The following FGF14 variants were observed in gnomAD, a reference collection of about 807,000 sequenced individuals.
FGF14 encodes the protein fibroblast growth factor homologous factor 4.
FGF14 carries 5 observed loss-of-function variants against 25.5 expected under a neutral mutation model. That is an observed-to-expected ratio of 0.20 (90% CI 0.10 to 0.41). The LOEUF (loss-of-function observed/expected upper bound fraction) is 0.41, where lower values mean the gene tolerates loss of function less well. FGF14 is among the 10% of genes least tolerant of loss of function. The pLI is 1.00. For missense variants in FGF14, 222 were observed against 320.1 expected, an observed-to-expected ratio of 0.69 and a Z score of 2.34; for synonymous variants, 138 against 118.3, an observed-to-expected ratio of 1.17 and a Z score of -1.08.
chr13:102,376,408 T>C (rs34134429), intron 1 of FGF14, among the ~76,000 whole-genome samples: 2,255 of 152,290 alleles, frequency 0.015, 31 homozygotes, highest in South Asian at 0.041. Flanking sequence ...ATGTCTTTAT[T>C]AGCAGTATAA....
Position 102,219,957 on chromosome 13 carries a change from A to AT in FGF14, c.208+181513dup, listed in dbSNP as rs2050535494. On this transcript the variant is annotated intron_variant, in intron 1 of 4. Transcript: ENST00000376131. The stretch of plus-strand genomic sequence containing the variant: ...TGTATAAGACTAAGTATAATACAAC[A>AT]TAAGTGTAAGTGATGTAATAGTAAG... Among the ~76,000 whole-genome samples the AT allele has an allele frequency of 2.6e-5, 4 of 152,202 alleles. No homozygotes were observed. The South Asian group carries it at 8.3e-4, about 31-fold the overall frequency.
intron 1 of FGF14, among the ~76,000 whole-genome samples, chr13:102,138,760 C>T (rs974115993): frequency 2.6e-5 from 4 of 152,162 alleles, no homozygotes; most frequent in Non-Finnish European, 5.9e-5. Context: ...TCATTTCTAG[C>T]AATAAATGTG....
At chr13:102,344,762 G>T (rs1208560661) in intron 1 of FGF14, among the ~76,000 whole-genome samples, 1 of 152,218 alleles carries the variant, frequency 6.6e-6, no homozygotes, top group Non-Finnish European at 1.5e-5. Context: ...TGGAGAAGAA[G>T]ACTTAGAGTT....
chr13:102,326,698 GGAAGGAA>G (rs1452262964), intron 1 of FGF14, among the ~76,000 whole-genome samples: 3 of 37,094 alleles, frequency 8.1e-5, no homozygotes, highest in Non-Finnish European at 1.7e-4. Context: ...GGGAAGGGAA[GGAAGGAA>G]GGAAGGAAGG....
chr13:102,024,973 T>C (rs1418690831), intron 1 of FGF14, among the ~76,000 whole-genome samples: 1 of 151,186 alleles, frequency 6.6e-6, no homozygotes, highest in East Asian at 1.9e-4. Context: ...AAAATGGAAT[T>C]TATATATATA....
intron 3 of FGF14, among the ~76,000 whole-genome samples, chr13:101,731,794 T>C (rs2035828588): frequency 6.6e-6 from 1 of 152,180 alleles, no homozygotes; most frequent in East Asian, 1.9e-4. Context: ...AAACACAATT[T>C]TCACCTGTTT....
At chr13:102,047,819 T>TA (rs1448873111) in intron 1 of FGF14, among the ~76,000 whole-genome samples, 1 of 152,118 alleles carries the variant, frequency 6.6e-6, no homozygotes, top group Non-Finnish European at 1.5e-5. Flanking sequence ...CCCTAAAACT[T>TA]AAAGTATAAT....
intron 1 of FGF14, among the ~76,000 whole-genome samples, chr13:102,075,954 T>A (rs2043344514): frequency 6.6e-6 from 1 of 152,126 alleles, no homozygotes; most frequent in South Asian, 2.1e-4. Flanking sequence ...AGGAAAAATA[T>A]TTTTATAGAG....
chr13:102,031,694 G>A (rs2041218675), intron 1 of FGF14, among the ~76,000 whole-genome samples: 1 of 151,612 alleles, frequency 6.6e-6, no homozygotes, highest in African/African-American at 2.4e-5. Flanking sequence ...AACAATATTG[G>A]CAGTCTTCAT....
chr13:102,064,619 C>T (rs1229296047), intron 1 of FGF14, among the ~76,000 whole-genome samples: 4 of 151,754 alleles, frequency 2.6e-5, no homozygotes, highest in African/African-American at 9.7e-5. Flanking sequence ...TTCTATAGCA[C>T]GAAATTCAAA....
intron 1 of FGF14, among the ~76,000 whole-genome samples, chr13:101,976,601 C>T (rs963950542): frequency 1.3e-5 from 2 of 152,200 alleles, no homozygotes; most frequent in African/African-American, 4.8e-5. Flanking sequence ...CTTCCTTCCC[C>T]ACTCTAGTAG....
chr13:101,976,230 A>G (rs1037848625), intron 1 of FGF14, among the ~76,000 whole-genome samples: 1 of 152,104 alleles, frequency 6.6e-6, no homozygotes, highest in Middle Eastern at 3.2e-3. Flanking sequence ...TTCTCAATTC[A>G]TAGCGCTATT....
At chr13:102,083,920 T>C (rs1389465327) in intron 1 of FGF14, among the ~76,000 whole-genome samples, 1 of 152,218 alleles carries the variant, frequency 6.6e-6, no homozygotes, top group Non-Finnish European at 1.5e-5. Flanking sequence ...TAGTGTCCCA[T>C]TTTGCTTAAA....
At chr13:101,729,099 A>G (rs941808797) in intron 3 of FGF14, among the ~76,000 whole-genome samples, 1 of 152,090 alleles carries the variant, frequency 6.6e-6, no homozygotes, top group Non-Finnish European at 1.5e-5. Context: ...AGGACTCCAA[A>G]GAAGTCAATT....
chr13:102,208,728 A>C (rs532202264), intron 1 of FGF14, among the ~76,000 whole-genome samples: 2 of 152,300 alleles, frequency 1.3e-5, no homozygotes, highest in African/African-American at 4.8e-5. Context: ...CACACTTGGG[A>C]ATGAAAGGAG....
At chr13:102,297,503 A>T (rs1415067995) in intron 1 of FGF14, among the ~76,000 whole-genome samples, 5 of 152,174 alleles carry the variant, frequency 3.3e-5, no homozygotes, top group Non-Finnish European at 7.4e-5. Flanking sequence ...AGGCTATGTA[A>T]GAGGAAGCTG....
In FGF14 at chr13:101,718,461, T is replaced by C. The variant is rs1281623952; in HGVS notation, c.*4370A>G. ...GGTGAGAGAAAATAAGCAAATCTCA[T>C]TGGCTCATTCCTGTTTTTAGGAAGT... On this transcript the variant is annotated 3_prime_UTR_variant, in exon 5 of 5. Coordinates refer to ENST00000376143, the MANE Select transcript of FGF14 (RefSeq NM_004115.4). 6.6e-6 allele frequency: 1 copy of C among 152,102 alleles called. No homozygotes were observed. Among genetic ancestry groups the C allele is most frequent in the East Asian group, 1.9e-4 (1 of 5,172 alleles). 9.4% of individuals were successfully genotyped at this position (152,102 alleles called of 1,614,324 possible).
At chr13:102,144,428 TATAA>T (rs2046768705) in intron 1 of FGF14, among the ~76,000 whole-genome samples, 1 of 152,140 alleles carries the variant, frequency 6.6e-6, no homozygotes, top group South Asian at 2.1e-4. Flanking sequence ...TGATTTACTT[TATAA>T]ATAGCTATCA....
At chr13:101,950,144 C>A (rs2036066206) in intron 1 of FGF14, among the ~76,000 whole-genome samples, 1 of 152,028 alleles carries the variant, frequency 6.6e-6, no homozygotes, top group African/African-American at 2.4e-5. Flanking sequence ...CCAATAAGAA[C>A]AGAAAAGCCT....
Sources: gnomAD v4.1 joint callset for allele counts (sites outside exome capture counted in the v4.1 genomes callset) on GRCh38, gnomAD v4.1.1 for gene constraint, MANE v1.5 for transcripts, NCBI Gene and HGNC (gene_info 2026-07-23, HGNC 2026-07-21) for gene names.